STARD3NL: variants seen among roughly 807,000 people sequenced by gnomAD.
The protein encoded by STARD3NL is STARD3 N-terminal like.
STARD3NL carries 17 observed loss-of-function variants against 30.9 expected under a neutral mutation model. The observed-to-expected ratio is 0.55, with a 90% CI of 0.38 to 0.82. STARD3NL has a LOEUF of 0.82. STARD3NL is among the 40% of genes least tolerant of loss of function. The pLI is 0.00. For missense variants in STARD3NL, 234 were observed against 277.6 expected (o/e 0.84, Z 1.12); for synonymous variants, 112 against 100.5 (o/e 1.11, Z -0.69).
At chr7:38,184,328 C>A (rs1268356938) in intron 1 of STARD3NL, among the ~76,000 whole-genome samples, 3 of 151,960 alleles carry the variant, frequency 2.0e-5, no homozygotes, top group African/African-American at 7.3e-5. Flanking sequence ...CCATATGTGT[C>A]GCTTCCTATA....
intron 1 of STARD3NL, among the ~76,000 whole-genome samples, chr7:38,192,122 GT>G (rs1418210244): frequency 1.3e-5 from 2 of 151,982 alleles, no homozygotes; most frequent in Non-Finnish European, 2.9e-5. Context: ...TTATTCCTTA[GT>G]GTTTTGTTTT....
intron 1 of STARD3NL, among the ~76,000 whole-genome samples, 146 bp from the exon 2 acceptor site, chr7:38,207,295 ATTTCTC>A (rs1454844694): frequency 6.6e-6 from 1 of 152,138 alleles, no homozygotes; most frequent in African/African-American, 2.4e-5. Context: ...GTTGCTTCTC[ATTTCTC>A]TTTCTCTTTA....
At chr7:38,195,621 T>TTAA (rs1784866777) in intron 1 of STARD3NL, among the ~76,000 whole-genome samples, 2 of 152,228 alleles carry the variant, frequency 1.3e-5, no homozygotes, top group African/African-American at 2.4e-5. Flanking sequence ...TGTAGTCCAC[T>TTAA]TAATAATTCC....
intron 7 of STARD3NL, among the ~76,000 whole-genome samples, chr7:38,227,731 C>A (rs1786858169): frequency 6.6e-6 from 1 of 151,926 alleles, no homozygotes; most frequent in Non-Finnish European, 1.5e-5. Flanking sequence ...GTGGAAAGAA[C>A]AAAAATTAGA....
At chr7:38,197,218 CTCTT>C (rs751999028) in intron 1 of STARD3NL, among the ~76,000 whole-genome samples, 3 of 118,554 alleles carry the variant, frequency 2.5e-5, no homozygotes, top group Non-Finnish European at 3.6e-5. Flanking sequence ...CTTTCCCTCT[CTCTT>C]TCTTTCTTTC....
chr7:38,193,833 G>A (rs1035255963), intron 1 of STARD3NL, among the ~76,000 whole-genome samples: 2 of 152,106 alleles, frequency 1.3e-5, no homozygotes, highest in African/African-American at 2.4e-5. Context: ...ATATTAATAT[G>A]TGTGGTTAGT....
intron 4 of STARD3NL, 114 bp downstream of exon 4, chr7:38,215,219 A>G (rs1054214577): frequency 3.2e-5 from 29 of 914,770 alleles, no homozygotes; most frequent in Non-Finnish European, 4.6e-5. Context: ...GAATCCCACC[A>G]GCTTTCCTGA....
chr7:38,215,162 C>A, intron 4 of STARD3NL, 57 bp downstream of exon 4: 1 of 1,511,686 alleles, frequency 6.6e-7, no homozygotes, highest in Non-Finnish European at 9.2e-7. Context: ...CCAAGTCCTG[C>A]TCTCAACAGG....
At chr7:38,229,337 C>T (rs767044794) in intron 8 of STARD3NL, among the ~76,000 whole-genome samples, 9 of 152,234 alleles carry the variant, frequency 5.9e-5, no homozygotes, top group Admixed American at 1.3e-4. Flanking sequence ...TTTCTGGTAC[C>T]AGGTCCACTG....
chr7:38,222,600 G>A (rs1786533024), intron 7 of STARD3NL, among the ~76,000 whole-genome samples: 1 of 152,180 alleles, frequency 6.6e-6, no homozygotes, highest in Admixed American at 6.5e-5. Context: ...GTGATACGAG[G>A]AACACGGTCT....
chr7:38,182,586 CTT>C (rs1784294079), intron 1 of STARD3NL, among the ~76,000 whole-genome samples: 2 of 152,164 alleles, frequency 1.3e-5, no homozygotes, highest in Admixed American at 6.5e-5. Context: ...CTGGCAGCCT[CTT>C]ACATGATGTA....
chr7:38,206,494 C>G (rs1324053998), intron 1 of STARD3NL, among the ~76,000 whole-genome samples: 1 of 152,166 alleles, frequency 6.6e-6, no homozygotes, highest in Non-Finnish European at 1.5e-5. Context: ...ATAAGCAGAT[C>G]AGATTATTTG....
At chr7:38,196,247 C>CACACTTTGTGCAAAGAT (rs147650205) in intron 1 of STARD3NL, among the ~76,000 whole-genome samples, 2,783 of 152,278 alleles carry the variant, frequency 0.018, 84 homozygotes, top group African/African-American at 0.063. Context: ...ATAGTTGATG[C>CACACTTTGTGCAAAGAT]AGTGTCACAT....
rs757944848 is a variant in STARD3NL, at chr7:38,207,537, T to C, written c.33T>C (p.Ala11=). Residue 11 remains alanine, a synonymous_variant, in exon 2 of 9, where the codon GCT becomes GCC. Transcript: ENST00000009041. ...ACCTGCCAGAAGACATGGAGAACGC[T>C]CTCACCGGGAGCCAGAGCTCCCATG... The part of the protein sequence containing the change: MNHLPEDMEN[A]LTGSQSSHAS... The C allele has an allele frequency of 2.5e-5, 41 of 1,613,800 alleles. No individual in the cohort carries two copies. The East Asian group carries it at 8.5e-4, about 33-fold the overall frequency.
chr7:38,223,780 A>G (rs1786602043), intron 7 of STARD3NL, among the ~76,000 whole-genome samples: 1 of 152,182 alleles, frequency 6.6e-6, no homozygotes, highest in Non-Finnish European at 1.5e-5. Context: ...GGGATACTGA[A>G]TTATATTGAC....
intron 1 of STARD3NL, among the ~76,000 whole-genome samples, chr7:38,188,494 A>G (rs553958836): frequency 4.6e-5 from 7 of 152,306 alleles, no homozygotes; most frequent in African/African-American, 1.4e-4. Flanking sequence ...CCCTTCCTGT[A>G]GAAGGTAAAC....
Position 38,180,346 on chromosome 7 carries a change from TC to T in STARD3NL, c.-59+1928del, listed in dbSNP as rs1396615358. 1.1e-4 allele frequency among the ~76,000 whole-genome samples: 16 copies of T among 152,356 alleles called. No homozygotes were observed. In the South Asian group the frequency reaches 2.9e-3, roughly 28 times the overall value. On this transcript the variant is annotated intron_variant, in intron 1 of 8. Coordinates refer to ENST00000009041, the MANE Select transcript of STARD3NL (RefSeq NM_032016.4). Reference sequence around the variant, plus strand: ...CTCCCTGCTTTTAATCCTTTCTACTTCCAACCGTGAATACTCTTTCTTATTA... The same window carrying T: ...CTCCCTGCTTTTAATCCTTTCTACTTCAACCGTGAATACTCTTTCTTATTA...
intron 1 of STARD3NL, among the ~76,000 whole-genome samples, chr7:38,184,970 G>T (rs758256547): frequency 4.0e-5 from 6 of 151,814 alleles, no homozygotes; most frequent in Non-Finnish European, 7.4e-5. Flanking sequence ...AAATTAAAGA[G>T]ATCCTACTAC....
At chr7:38,213,459 A>G (rs1027708736) in intron 2 of STARD3NL, among the ~76,000 whole-genome samples, 5 of 152,224 alleles carry the variant, frequency 3.3e-5, no homozygotes, top group African/African-American at 1.2e-4. Context: ...TCCCTATGGC[A>G]ACTTTCATTC....
Sources: gnomAD v4.1 joint callset for allele counts (sites outside exome capture counted in the v4.1 genomes callset) on GRCh38, gnomAD v4.1.1 for gene constraint, MANE v1.5 for transcripts, NCBI Gene and HGNC (gene_info 2026-07-23, HGNC 2026-07-21) for gene names.